MSRA: variants seen among roughly 807,000 people sequenced by gnomAD.
The protein encoded by MSRA is mitochondrial peptide methionine sulfoxide reductase.
A neutral mutation model predicts 31.3 loss-of-function variants in MSRA; 54 were observed. The ratio of observed to expected loss-of-function variants is 1.73; its 90% CI spans 1.39 to 2.17. MSRA has a LOEUF of 2.17. Among genes scored for constraint, MSRA ranks in the 30% most tolerant of loss-of-function variants. The pLI is 0.00. For synonymous variants in MSRA, 169 were observed against 116.5 expected (o/e 1.45, Z -2.90); for missense variants, 507 against 300.9 (o/e 1.69, Z -5.07).
chr8:10,329,311 G>A (rs527642868), intron 5 of MSRA, among the ~76,000 whole-genome samples: 10 of 152,326 alleles, frequency 6.6e-5, no homozygotes, highest in Middle Eastern at 3.4e-3. Context: ...GGGCTCCAGG[G>A]AAGAATCCCT....
intron 1 of MSRA, among the ~76,000 whole-genome samples, chr8:10,085,916 C>G (rs1013311638): frequency 6.6e-6 from 1 of 152,190 alleles, no homozygotes; most frequent in Non-Finnish European, 1.5e-5. Context: ...GTTGCACTTA[C>G]TAGTAATTGT....
chr8:10,300,999 A>C (rs1333778205), intron 3 of MSRA, among the ~76,000 whole-genome samples: 1 of 151,806 alleles, frequency 6.6e-6, no homozygotes, highest in Non-Finnish European at 1.5e-5. Context: ...TTTAAATCTG[A>C]CCCTTGTCCC....
intron 1 of MSRA, among the ~76,000 whole-genome samples, chr8:10,167,777 A>G (rs17151237): frequency 0.054 from 8,231 of 152,174 alleles, 371 homozygotes; most frequent in South Asian, 0.12. Context: ...ATGCTGATCC[A>G]CTTTCTCTCA....
intron 1 of MSRA, among the ~76,000 whole-genome samples, chr8:10,149,420 G>A (rs943419776): frequency 1.1e-4 from 17 of 152,166 alleles, no homozygotes; most frequent in South Asian, 4.1e-4. Context: ...CACCGCGCCC[G>A]GCTGAGAAAT....
rs186677531 is a variant in MSRA, at chr8:10,155,917, G to A, written c.143-51916G>A. Among the ~76,000 whole-genome samples the A allele has an allele frequency of 5.9e-5, 9 of 152,280 alleles. No homozygotes were observed. In the East Asian group the frequency reaches 1.7e-3, roughly 29 times the overall value. On this transcript the variant is annotated intron_variant, in intron 1 of 5. Transcript: ENST00000317173. The stretch of plus-strand genomic sequence containing the variant: ...TGTAATCAACTGATTCAGGATGGAT[G>A]TGAAAACTATTGGATGAGAGGCTGT...
intron 5 of MSRA, among the ~76,000 whole-genome samples, chr8:10,397,659 T>G (rs986603345): frequency 3.3e-5 from 5 of 152,232 alleles, no homozygotes; most frequent in African/African-American, 1.2e-4. Context: ...TGGAAGACTC[T>G]CTGCAAGTGA....
At chr8:10,281,405 A>G (rs1245125453) in intron 3 of MSRA, among the ~76,000 whole-genome samples, 2 of 152,244 alleles carry the variant, frequency 1.3e-5, no homozygotes, top group African/African-American at 4.8e-5. Flanking sequence ...GGCTGACATG[A>G]ACATAATTTT....
intron 5 of MSRA, chr8:10,410,958 TCCTCCCCCA>T (rs1808119107): frequency 6.6e-6 from 1 of 152,178 alleles, no homozygotes; most frequent in Non-Finnish European, 1.5e-5. Flanking sequence ...TTTTGAATTC[TCCTCCCCCA>T]CACCCATTTT....
Position 10,074,182 on chromosome 8 carries a change from A to G in MSRA, c.142+19524A>G, listed in dbSNP as rs534390786. Among the ~76,000 whole-genome samples the G allele has an allele frequency of 1.8e-4, 26 of 142,098 alleles. No homozygotes were observed. In the South Asian group the frequency reaches 5.7e-3, roughly 31 times the overall value. The allele number at this position is 142,098 out of a possible 152,430, so 93.2% of individuals were successfully genotyped here. On this transcript the variant is annotated intron_variant, in intron 1 of 5. Coordinates refer to ENST00000317173, the MANE Select transcript of MSRA (RefSeq NM_012331.5). The stretch of plus-strand genomic sequence containing the variant: ...ACTGCAAGCTCTGCCTCCAGGGTTC[A>G]TACCATTTTCCTGCCTTATCCTCCC...
At chr8:10,095,618 A>G in intron 1 of MSRA, 1 of 988,742 alleles carries the variant, frequency 1.0e-6, no homozygotes. Flanking sequence ...AAAAGGCAAG[A>G]CTTGGCACAG....
At chr8:10,160,613 A>G (rs543840782) in intron 1 of MSRA, among the ~76,000 whole-genome samples, 33 of 152,208 alleles carry the variant, frequency 2.2e-4, no homozygotes, top group African/African-American at 7.5e-4. Context: ...TCTCACTGCA[A>G]CCTCTGCCAC....
intron 1 of MSRA, among the ~76,000 whole-genome samples, chr8:10,196,213 A>G (rs1448554612): frequency 6.6e-6 from 1 of 152,224 alleles, no homozygotes; most frequent in Non-Finnish European, 1.5e-5. Context: ...GATGTGCTGT[A>G]TACTGTGGAG....
intron 3 of MSRA, chr8:10,250,667 G>C (rs1457033986): frequency 5.1e-6 from 3 of 583,336 alleles, no homozygotes; most frequent in Non-Finnish European, 9.2e-6. Flanking sequence ...AGAGCGGAGT[G>C]TGGGAGTCCT....
chr8:10,147,430 A>G (rs1017449654), intron 1 of MSRA, among the ~76,000 whole-genome samples: 1 of 152,124 alleles, frequency 6.6e-6, no homozygotes, highest in Non-Finnish European at 1.5e-5. Context: ...CTCTGTCCCC[A>G]TGTCCTCACA....
chr8:10,352,171 G>C (rs994126943), intron 5 of MSRA, among the ~76,000 whole-genome samples: 1 of 152,212 alleles, frequency 6.6e-6, no homozygotes, highest in African/African-American at 2.4e-5. Context: ...GTCGTGAACA[G>C]AGTTGTGTCA....
chr8:10,368,045 C>A (rs1031313043), intron 5 of MSRA, among the ~76,000 whole-genome samples: 1 of 152,232 alleles, frequency 6.6e-6, no homozygotes, highest in East Asian at 1.9e-4. Flanking sequence ...GGTAGAATTC[C>A]CTGCCCCGCG....
At chr8:10,147,375 C>G in intron 1 of MSRA, among the ~76,000 whole-genome samples, 1 of 152,146 alleles carries the variant, frequency 6.6e-6, no homozygotes, top group East Asian at 1.9e-4. Flanking sequence ...CAGTCATCAG[C>G]TGTTGGCAGG....
At chr8:10,335,250 G>GCTT (rs1271075249) in intron 5 of MSRA, among the ~76,000 whole-genome samples, 2 of 79,884 alleles carry the variant, frequency 2.5e-5, no homozygotes, top group Non-Finnish European at 4.4e-5. Context: ...TCCCAGCTCT[G>GCTT]TTTTTTTTTT....
chr8:10,146,919 G>C (rs1174297636), intron 1 of MSRA, among the ~76,000 whole-genome samples: 10 of 152,152 alleles, frequency 6.6e-5, no homozygotes, highest in Admixed American at 6.5e-4. Context: ...TTTTAAAGTA[G>C]GGTCTTGGCA....
Sources: gnomAD v4.1 joint callset for allele counts (sites outside exome capture counted in the v4.1 genomes callset) on GRCh38, gnomAD v4.1.1 for gene constraint, MANE v1.5 for transcripts, NCBI Gene and HGNC (gene_info 2026-07-23, HGNC 2026-07-21) for gene names.